Variants in HIVEP2 observed in about 807,000 individuals in gnomAD.
HIVEP2 encodes transcription factor HIVEP2.
Under a neutral mutation model 180.7 loss-of-function variants are expected in HIVEP2, and 14 were observed. The ratio of observed to expected loss-of-function variants is 0.08; its 90% confidence interval spans 0.05 to 0.12. HIVEP2 has a LOEUF of 0.12. HIVEP2 is among the 10% of genes least tolerant of loss of function. HIVEP2 has a pLI of 1.00. For synonymous variants in HIVEP2, 1,184 were observed against 1,136.4 expected (o/e 1.04, Z -0.84); for missense variants, 2,579 against 3,008.5 (o/e 0.86, Z 3.34).
chr6:142,917,777 T>C (rs983470105), intron 1 of HIVEP2, among the ~76,000 whole-genome samples: 2 of 152,104 alleles, frequency 1.3e-5, no homozygotes, highest in African/African-American at 4.8e-5. Flanking sequence ...AATATGCTTC[T>C]GTAATTTTTT....
At chr6:142,896,299 G>A (rs1167217781) in intron 1 of HIVEP2, among the ~76,000 whole-genome samples, 1 of 152,112 alleles carries the variant, frequency 6.6e-6, no homozygotes, top group Admixed American at 6.6e-5. Flanking sequence ...CTCCTGCTCT[G>A]GGTTTCTTTC....
rs1775568516 is a variant in HIVEP2 at position 142,772,321 on chromosome 6, G to T, written c.2418C>A (p.Asn806Lys). ...GNVISVIQHT[N>K]SLSRPNSFER... Reference sequence around the variant, plus strand: ...CAAATGAATTGGGTCGGCTCAGTGAGTTGGTGTGCTGAATCACAGAAATCA... The same window carrying T: ...CAAATGAATTGGGTCGGCTCAGTGATTTGGTGTGCTGAATCACAGAAATCA... The change falls in exon 5 of 10, where the codon AAC becomes AAA. Residue 806 changes from asparagine to lysine, a missense_variant. Around this residue, in one of 11 missense-constraint regions of HIVEP2, gnomAD observed 524 missense variants for 563.6 expected, o/e 0.93. Transcript: ENST00000367603. This position sits in a 1 kb window ranked among gnomAD's most constrained non-coding sequence, Gnocchi z 4.9. 1.2e-6 allele frequency: 2 copies of T among 1,614,142 alleles called. No individual in the cohort carries two copies. The highest frequency in any genetic ancestry group is 1.7e-6 in the Non-Finnish European group (2 of 1,180,054).
At chr6:142,882,709 T>C (rs1322089174) in intron 1 of HIVEP2, among the ~76,000 whole-genome samples, 1 of 152,118 alleles carries the variant, frequency 6.6e-6, no homozygotes, top group Non-Finnish European at 1.5e-5. Flanking sequence ...GTCATTCCAT[T>C]GTTCTGACAG....
At chr6:142,792,160 T>C (rs954108106) in intron 2 of HIVEP2, among the ~76,000 whole-genome samples, 1 of 151,894 alleles carries the variant, frequency 6.6e-6, no homozygotes, top group South Asian at 2.1e-4. Context: ...ACATCAGTGG[T>C]TCTGAGAAGA....
rs748152779 is a variant in HIVEP2 at position 142,774,472 on chromosome 6, C to T, written c.267G>A (p.Pro89=). 75 of 1,613,952 alleles carry T rather than the reference C, an allele frequency of 4.6e-5. No homozygotes were observed. Among genetic ancestry groups the T allele is most frequent in the Non-Finnish European group, 5.8e-5 (69 of 1,180,036 alleles). The change falls in exon 5 of 10, where the codon CCG becomes CCA. Residue 89 remains proline, a synonymous_variant. Transcript: ENST00000367603. This position sits in a 1 kb window ranked among gnomAD's most constrained non-coding sequence, Gnocchi z 5.1. ...VAEKQYPPHR[P]SPYSCQHSLS... ...GTGAGTGTTGGCATGAGTAAGGACT[C>T]GGACGATGCGGTGGATATTGCTTCT...
intron 1 of HIVEP2, among the ~76,000 whole-genome samples, chr6:142,914,204 G>C (rs1777492589): frequency 1.3e-5 from 2 of 152,120 alleles, no homozygotes; most frequent in South Asian, 4.1e-4. Context: ...TCAAATTTAA[G>C]TGGTCTACCA....
intron 2 of HIVEP2, among the ~76,000 whole-genome samples, chr6:142,794,364 A>G (rs1776231748): frequency 6.6e-6 from 1 of 152,218 alleles, no homozygotes; most frequent in South Asian, 2.1e-4. Flanking sequence ...ATCTATTTGT[A>G]TATTTCAATA....
In HIVEP2 at chr6:142,768,463, C is replaced by G. The variant is rs1209168413; in HGVS notation, c.5261G>C (p.Arg1754Thr). The G allele has an allele frequency of 1.9e-6, 3 of 1,613,464 alleles. No homozygotes were observed. The highest frequency in any genetic ancestry group is 2.2e-5 in the East Asian group (1 of 44,822). The change falls in exon 6 of 10, where the codon AGA becomes ACA. Residue 1754 changes from arginine (R) to threonine (T), a missense_variant. Around this residue, in one of 11 missense-constraint regions of HIVEP2, gnomAD observed 349 missense variants for 367.2 expected, o/e 0.95. Coordinates refer to ENST00000367603, the MANE Select transcript of HIVEP2 (RefSeq NM_006734.4). The part of the protein sequence containing the change: ...RKLVGNILKE[R>T]GKGDIHGDKD... ...ATCTCCATGAATATCTCCTTTCCCTCTTTCCTTTAAGATATTTCCCACTAG... is the reference window on the plus strand; with the variant it reads ...ATCTCCATGAATATCTCCTTTCCCTGTTTCCTTTAAGATATTTCCCACTAG...
chr6:142,886,098 A>G (rs1464813352), intron 1 of HIVEP2, among the ~76,000 whole-genome samples: 3 of 152,198 alleles, frequency 2.0e-5, no homozygotes, highest in Non-Finnish European at 2.9e-5. Flanking sequence ...ATTTGCAGTT[A>G]TCTTTTTCAT....
intron 2 of HIVEP2, among the ~76,000 whole-genome samples, chr6:142,821,254 C>T (rs1777028408): frequency 6.6e-6 from 1 of 151,818 alleles, no homozygotes; most frequent in African/African-American, 2.4e-5. Flanking sequence ...GGGAAGAGTT[C>T]CTCCTAGGAC....
chr6:142,859,009 C>T (rs957832504), intron 1 of HIVEP2, among the ~76,000 whole-genome samples: 1 of 152,120 alleles, frequency 6.6e-6, no homozygotes, highest in Non-Finnish European at 1.5e-5. Context: ...GGACTGGGCT[C>T]AGCACACCTG....
chr6:142,945,690 A>T (rs1443076921), upstream of HIVEP2, among the ~76,000 whole-genome samples: 1 of 152,202 alleles, frequency 6.6e-6, no homozygotes, highest in Non-Finnish European at 1.5e-5. The surrounding 1 kb of genome is among the most constrained non-coding windows in gnomAD (Gnocchi z 5.5). Context: ...GACTTGTGCC[A>T]CAGTCACCGA....
chr6:142,806,566 C>A (rs1475959629), intron 2 of HIVEP2, among the ~76,000 whole-genome samples: 3 of 152,044 alleles, frequency 2.0e-5, no homozygotes, highest in African/African-American at 4.8e-5. Flanking sequence ...ATTCAAAAAC[C>A]ATATTCAGTT....
intron 1 of HIVEP2, among the ~76,000 whole-genome samples, chr6:142,885,653 A>G (rs907270761): frequency 6.6e-5 from 10 of 152,162 alleles, no homozygotes; most frequent in African/African-American, 2.2e-4. Flanking sequence ...TCAACAGCCT[A>G]CATTTAGACT....
intron 1 of HIVEP2, among the ~76,000 whole-genome samples, chr6:142,923,535 T>C (rs78544056): frequency 0.015 from 2,234 of 152,308 alleles, 58 homozygotes; most frequent in African/African-American, 0.052. Context: ...CCATTCATAT[T>C]TGATTCCAAA....
chr6:142,849,282 A>G (rs1305758582), intron 1 of HIVEP2, among the ~76,000 whole-genome samples: 1 of 152,196 alleles, frequency 6.6e-6, no homozygotes, highest in Non-Finnish European at 1.5e-5. Flanking sequence ...CTTGCAGTGG[A>G]TCTTCAGTAA....
At chr6:142,764,761 G>A (rs368426840) in intron 7 of HIVEP2, 38 bp downstream of exon 7, 1 of 1,496,422 alleles carries the variant, frequency 6.7e-7, no homozygotes, top group Non-Finnish European at 9.3e-7. Flanking sequence ...AGTAGCCATA[G>A]AGAAGTATTT....
chr6:142,827,699 T>C (rs965616474), intron 2 of HIVEP2, among the ~76,000 whole-genome samples: 1 of 152,056 alleles, frequency 6.6e-6, no homozygotes, highest in African/African-American at 2.4e-5. Context: ...AGGAAGGAGG[T>C]AGCAGGGAGG....
chr6:142,936,553 T>C (rs1778060509), intron 1 of HIVEP2, among the ~76,000 whole-genome samples: 1 of 152,098 alleles, frequency 6.6e-6, no homozygotes, highest in East Asian at 1.9e-4. Flanking sequence ...TAAAAATGAA[T>C]TTTTAAAAAA....
Sources: allele counts gnomAD v4.1 joint callset (sites outside exome capture counted in the v4.1 genomes callset), GRCh38; gene constraint gnomAD v4.1.1; regional missense constraint gnomAD v4.1.1; non-coding constraint Gnocchi (gnomAD v3.1); transcripts MANE v1.5; gene names NCBI Gene and HGNC (gene_info 2026-07-23, HGNC 2026-07-21).